Variants in TSPAN15 observed in about 807,000 individuals in gnomAD.
TSPAN15 encodes tetraspanin-15.
TSPAN15 carries 20 observed loss-of-function variants against 34.5 expected under a neutral mutation model. The ratio of observed to expected loss-of-function variants is 0.58; its 90% CI spans 0.41 to 0.84. TSPAN15 has a LOEUF of 0.84. Among genes scored for constraint, TSPAN15 ranks in the 40% least tolerant of loss-of-function variants. The pLI is 0.00. For missense variants in TSPAN15, 313 were observed against 386.1 expected (o/e 0.81, Z 1.59); for synonymous variants, 155 against 153.9 (o/e 1.01, Z -0.05).
chr10:69,536,741 T>C, the TSPAN15 span, among the ~76,000 whole-genome samples: 1 of 152,044 alleles, frequency 6.6e-6, no homozygotes, highest in Admixed American at 6.6e-5. Flanking sequence ...TCCCAACACA[T>C]TGAGAGGACG....
intron 1 of TSPAN15, among the ~76,000 whole-genome samples, chr10:69,461,877 C>A (rs1185324966): frequency 6.6e-6 from 1 of 152,194 alleles, no homozygotes. Flanking sequence ...AGGCCTCCTA[C>A]CCTGGGAGGA....
At chr10:69,508,390 G>A (rs1842378342), downstream of TSPAN15, among the ~76,000 whole-genome samples, 5 of 129,258 alleles carry the variant, frequency 3.9e-5, no homozygotes, top group Admixed American at 3.7e-4. Flanking sequence ...GTGGTGAGCC[G>A]AGATCACACC....
the TSPAN15 span, among the ~76,000 whole-genome samples, chr10:69,515,223 C>G: frequency 6.6e-6 from 1 of 152,156 alleles, no homozygotes; most frequent in East Asian, 1.9e-4. Context: ...TTTTGCTTTC[C>G]CAACCTCTTA....
At chr10:69,477,612 A>T (rs893053891) in intron 1 of TSPAN15, among the ~76,000 whole-genome samples, 1 of 152,244 alleles carries the variant, frequency 6.6e-6, no homozygotes, top group Non-Finnish European at 1.5e-5. Context: ...AGAGCTTGCT[A>T]GCCACACGTG....
chr10:69,530,229 C>T, the TSPAN15 span, among the ~76,000 whole-genome samples: 1 of 147,616 alleles, frequency 6.8e-6, no homozygotes. Context: ...CTGCCCTGTT[C>T]CATTAGCCAG....
At chr10:69,495,736 C>A in intron 4 of TSPAN15, 47 bp downstream of exon 4, 3 of 1,355,578 alleles carry the variant, frequency 2.2e-6, no homozygotes, top group Non-Finnish European at 2.1e-6. Flanking sequence ...GTGCTCTTAG[C>A]CCCCCATTCA....
rs993926562 is a variant in TSPAN15, at chr10:69,451,492, G to A, written c.-103G>A. 36 of 1,278,344 alleles carry A rather than the reference G, an allele frequency of 2.8e-5. No individual in the cohort carries two copies. The highest frequency in any genetic ancestry group is 1.6e-4 in the Admixed American group (4 of 24,292). 79.2% of individuals were successfully genotyped at this position (1,278,344 alleles called of 1,614,324 possible). The stretch of plus-strand genomic sequence containing the variant: ...CAGTCCCGGAGAGAACGCCGGTGGC[G>A]GGGCTGGTAGCCCGGCAGCCGCAGG... On this transcript the variant is annotated 5_prime_UTR_variant, in exon 1 of 8. Transcript: ENST00000373290.
chr10:69,488,053 A>G (rs1253281417), intron 3 of TSPAN15, among the ~76,000 whole-genome samples: 1 of 152,224 alleles, frequency 6.6e-6, no homozygotes, highest in Non-Finnish European at 1.5e-5. Flanking sequence ...CAATGAAAAA[A>G]ATAGGTCTAC....
At chr10:69,482,903 A>G (rs1412987214) in intron 1 of TSPAN15, among the ~76,000 whole-genome samples, 2 of 152,200 alleles carry the variant, frequency 1.3e-5, no homozygotes, top group African/African-American at 4.8e-5. Flanking sequence ...GGCTTAAACA[A>G]TAGACATTTA....
chr10:69,513,544 A>G, the TSPAN15 span, among the ~76,000 whole-genome samples: 1 of 152,132 alleles, frequency 6.6e-6, no homozygotes, highest in Non-Finnish European at 1.5e-5. Flanking sequence ...GGTGTTTTCC[A>G]AAAAGCAGGA....
chr10:69,453,776 C>G (rs1377361613), intron 1 of TSPAN15, among the ~76,000 whole-genome samples: 1 of 152,246 alleles, frequency 6.6e-6, no homozygotes, highest in Non-Finnish European at 1.5e-5. Flanking sequence ...CAGAGAAGCC[C>G]ACCCAATGGC....
intron 1 of TSPAN15, 79 bp from the exon 2 acceptor site, chr10:69,483,612 C>A: frequency 6.7e-7 from 1 of 1,481,636 alleles, no homozygotes. Flanking sequence ...ACAGCAGGTA[C>A]CACAGCCCCA....
At chr10:69,532,749 A>G in the TSPAN15 span, among the ~76,000 whole-genome samples, 1 of 152,252 alleles carries the variant, frequency 6.6e-6, no homozygotes, top group Non-Finnish European at 1.5e-5. Flanking sequence ...GACAACCCAC[A>G]GAGTGGGAGA....
chr10:69,521,903 C>T, the TSPAN15 span, among the ~76,000 whole-genome samples: 3 of 147,666 alleles, frequency 2.0e-5, no homozygotes, highest in Admixed American at 7.0e-5. Context: ...GTATATCTCT[C>T]TATATGACAT....
rs138062334 is a variant in TSPAN15, at chr10:69,494,985, A to G, written c.358-609A>G. On this transcript the variant is annotated intron_variant, in intron 3 of 7. Transcript: ENST00000373290. ...TCCCGGCAGGGATTGTCCCAGCCCT[A>G]GCCGAGGGGGACCGAGTGCTGCAGT... 5.7e-5 allele frequency: 33 copies of G among 582,142 alleles called. No individual in the cohort carries two copies. In the East Asian group the frequency reaches 3.3e-3, roughly 58 times the overall value. 36.1% of individuals were successfully genotyped at this position (582,142 alleles called of 1,614,324 possible).
intron 1 of TSPAN15, among the ~76,000 whole-genome samples, chr10:69,472,043 T>G (rs1389025730): frequency 6.6e-6 from 1 of 152,232 alleles, no homozygotes; most frequent in Admixed American, 6.5e-5. Flanking sequence ...GACCAAAAAC[T>G]TTGAGACCCA....
Position 69,499,108 on chromosome 10 carries a change from C to T in TSPAN15, c.570+712C>T, listed in dbSNP as rs182717117. Among the ~76,000 whole-genome samples, 387 of 152,318 alleles carry T rather than the reference C, an allele frequency of 2.5e-3. 3 individuals carry two copies. The highest frequency in any genetic ancestry group is 4.6e-3 in the Admixed American group (71 of 15,304). Reference sequence around the variant, plus strand: ...TTGGGATGATGTCTTGTGTTGTCAGCGCTTAAGTGAAAGGCTTCATCAGTC... The same window carrying T: ...TTGGGATGATGTCTTGTGTTGTCAGTGCTTAAGTGAAAGGCTTCATCAGTC... On this transcript the variant is annotated intron_variant, in intron 5 of 7. Coordinates refer to ENST00000373290, the MANE Select transcript of TSPAN15 (RefSeq NM_012339.5).
chr10:69,485,112 C>T (rs1209515657), intron 2 of TSPAN15, 29 bp from the exon 3 acceptor site: 2 of 1,608,562 alleles, frequency 1.2e-6, no homozygotes, highest in Non-Finnish European at 1.7e-6. Flanking sequence ...TGCTCCTCTC[C>T]AGGTGAGTCT....
chr10:69,461,379 G>C (rs1462825387), intron 1 of TSPAN15, among the ~76,000 whole-genome samples: 2 of 152,332 alleles, frequency 1.3e-5, no homozygotes, highest in East Asian at 1.9e-4. Context: ...TTCACTGGAG[G>C]GTGGAAGGAA....
Sources: gnomAD v4.1 joint callset for allele counts (sites outside exome capture counted in the v4.1 genomes callset) on GRCh38, gnomAD v4.1.1 for gene constraint, MANE v1.5 for transcripts, NCBI Gene and HGNC (gene_info 2026-07-23, HGNC 2026-07-21) for gene names.